UBR3: variants seen among roughly 807,000 people sequenced by gnomAD.
The protein encoded by UBR3 is ubiquitin protein ligase E3 component n-recognin 3, also known as E3 ubiquitin-protein ligase UBR3.
A neutral mutation model predicts 243.2 loss-of-function variants in UBR3; 85 were observed. The ratio of observed to expected loss-of-function variants is 0.35; its 90% CI spans 0.29 to 0.42. The LOEUF is 0.42. UBR3 is among the 10% of genes least tolerant of loss of function. The pLI is 1.00. For missense variants in UBR3, 1,686 were observed against 2,300.8 expected (o/e 0.73, Z 5.47); for synonymous variants, 748 against 799.8 (o/e 0.94, Z 1.09).
chr2:169,882,064 A>G (rs2083887696), intron 5 of UBR3, among the ~76,000 whole-genome samples: 1 of 127,626 alleles, frequency 7.8e-6, no homozygotes, highest in South Asian at 2.3e-4. Context: ...ATATACACAT[A>G]TAATATAATT....
chr2:169,925,510 C>T (rs1448853809), intron 13 of UBR3, 109 bp from the exon 14 acceptor site: 12 of 947,952 alleles, frequency 1.3e-5, no homozygotes, highest in African/African-American at 5.1e-5. Context: ...GACAGAATAT[C>T]GGGCTTATAC....
intron 26 of UBR3, among the ~76,000 whole-genome samples, chr2:169,996,697 T>G (rs562866204): frequency 5.5e-5 from 8 of 146,206 alleles, no homozygotes; most frequent in East Asian, 2.0e-4. Context: ...ACTTTTGTTT[T>G]TTTTTTTTTT....
chr2:169,946,439 C>T (rs1559121554), intron 21 of UBR3, 47 bp downstream of exon 21: 1 of 1,064,712 alleles, frequency 9.4e-7, no homozygotes, highest in African/African-American at 1.6e-5. Flanking sequence ...CAGCCCCTAT[C>T]TGGCTCCAAC....
intron 1 of UBR3, among the ~76,000 whole-genome samples, chr2:169,829,718 C>A (rs1156237825): frequency 1.3e-5 from 2 of 152,036 alleles, no homozygotes; most frequent in Non-Finnish European, 2.9e-5. Context: ...GCCACCGCGC[C>A]CGGCCAACAT....
At chr2:169,964,410 A>T in intron 24 of UBR3, 1 of 470,486 alleles carries the variant, frequency 2.1e-6, no homozygotes, top group Non-Finnish European at 4.4e-6. Flanking sequence ...AAACAAAAAC[A>T]ATTTTCTGAG....
chr2:169,882,276 CAT>C (rs1396835063), intron 5 of UBR3, among the ~76,000 whole-genome samples: 6 of 130,296 alleles, frequency 4.6e-5, no homozygotes, highest in African/African-American at 8.8e-5. Flanking sequence ...ATTTGTATAT[CAT>C]ATATTTATAT....
chr2:169,923,027 A>G (rs2085766066), intron 11 of UBR3, among the ~76,000 whole-genome samples: 1 of 152,240 alleles, frequency 6.6e-6, no homozygotes, highest in African/African-American at 2.4e-5. Flanking sequence ...CATTAAAAAC[A>G]AACAATACCT....
At chr2:170,064,865 CAG>C (rs1442084207) in intron 35 of UBR3, among the ~76,000 whole-genome samples, 1 of 128,712 alleles carries the variant, frequency 7.8e-6, no homozygotes, top group Non-Finnish European at 1.6e-5. Flanking sequence ...TTTTTTGAGA[CAG>C]AGACTCGCTT....
intron 31 of UBR3, among the ~76,000 whole-genome samples, chr2:170,037,828 TA>T (rs1317346584): frequency 6.6e-6 from 1 of 152,214 alleles, no homozygotes; most frequent in African/African-American, 2.4e-5. Flanking sequence ...GTTGTATGCA[TA>T]TTATGTTTCA....
At chr2:169,990,489 TAAAAG>T (rs1468670376) in intron 25 of UBR3, among the ~76,000 whole-genome samples, 1 of 151,942 alleles carries the variant, frequency 6.6e-6, no homozygotes, top group African/African-American at 2.4e-5. Context: ...ATATATATAA[TAAAAG>T]AAAGTAAATC....
At chr2:169,901,343 C>A (rs1428603507) in intron 8 of UBR3, among the ~76,000 whole-genome samples, 1 of 152,152 alleles carries the variant, frequency 6.6e-6, no homozygotes, top group East Asian at 1.9e-4. Flanking sequence ...TACATTATTT[C>A]CAGCCAAGTT....
chr2:169,908,946 C>T (rs370970160), intron 10 of UBR3, among the ~76,000 whole-genome samples: 5 of 151,772 alleles, frequency 3.3e-5, no homozygotes, highest in African/African-American at 1.2e-4. Context: ...GCCTCAGCCT[C>T]CCGAGTAGGT....
Position 169,949,972 on chromosome 2 carries a change from G to A in UBR3, c.3452G>A (p.Arg1151His), listed in dbSNP as rs748028932. The change falls in exon 23 of 39, where the codon CGC becomes CAC. Residue 1151 changes from arginine (R) to histidine (H), a missense_variant. Arg to His is a conservative substitution (Grantham distance 29). This residue lies in a region of UBR3 where 300 missense variants were observed against 314.4 expected (regional missense o/e 0.95). Coordinates refer to ENST00000272793, the MANE Select transcript of UBR3 (RefSeq NM_172070.4). ...KAASQSRMNK[R>H]IIEEICRKVT... Reference sequence around the variant, plus strand: ...GCATCGCAAAGTAGAATGAACAAACGCATCATTGAAGAGATATGTAGAAAA... The same window carrying A: ...GCATCGCAAAGTAGAATGAACAAACACATCATTGAAGAGATATGTAGAAAA... 23 of 1,613,514 alleles carry A rather than the reference G, an allele frequency of 1.4e-5. No homozygotes were observed. The highest frequency in any genetic ancestry group is 1.6e-4 in the Middle Eastern group (1 of 6,084).
chr2:169,931,350 TAAAA>T (rs66951181), intron 18 of UBR3, among the ~76,000 whole-genome samples: 1 of 87,562 alleles, frequency 1.1e-5, no homozygotes, highest in African/African-American at 4.4e-5. Flanking sequence ...GAATCTGTCT[TAAAA>T]AAAAAAAAAA....
chr2:170,007,272 A>C, intron 28 of UBR3, 82 bp downstream of exon 28: 1 of 1,412,002 alleles, frequency 7.1e-7, no homozygotes, highest in Non-Finnish European at 9.6e-7. Context: ...TTTATAAATT[A>C]CTCTGGACTT....
chr2:169,942,354 C>G (rs752616841), intron 19 of UBR3, 139 bp from the exon 20 acceptor site: 6 of 805,294 alleles, frequency 7.5e-6, no homozygotes, highest in African/African-American at 3.5e-5. Flanking sequence ...ATAGATACCT[C>G]TTTGGCATTT....
chr2:169,952,114 G>A (rs2087059576), intron 23 of UBR3, among the ~76,000 whole-genome samples: 1 of 152,100 alleles, frequency 6.6e-6, no homozygotes, highest in Admixed American at 6.5e-5. Flanking sequence ...CTTGTATATG[G>A]GAGAAGGTTT....
At chr2:169,896,772 CAGTATTATTATTCT>C in intron 8 of UBR3, 37 bp downstream of exon 8, 1 of 1,412,556 alleles carries the variant, frequency 7.1e-7, no homozygotes, top group Non-Finnish European at 9.7e-7. Context: ...CTATTATTAT[CAGTATTATTATTCT>C]AGTATTATTA....
At chr2:169,895,422 A>C in intron 7 of UBR3, 111 bp downstream of exon 7, 2 of 1,192,616 alleles carry the variant, frequency 1.7e-6, no homozygotes, top group Non-Finnish European at 1.1e-6. Context: ...AACACTATAA[A>C]CAAGTGTTAG....
Sources: gnomAD v4.1 joint callset for allele counts (sites outside exome capture counted in the v4.1 genomes callset) on GRCh38, gnomAD v4.1.1 for gene constraint, gnomAD v4.1.1 regional missense constraint, MANE v1.5 for transcripts, NCBI Gene and HGNC (gene_info 2026-07-23, HGNC 2026-07-21) for gene names.